The following WNK3 variants were observed in gnomAD, a reference collection of about 807,000 sequenced individuals.
WNK3 encodes the protein WNK lysine deficient protein kinase 3.
WNK3 carries 18 observed loss-of-function variants against 116.7 expected under a neutral mutation model. The ratio of observed to expected loss-of-function variants is 0.15; its 90% confidence interval spans 0.11 to 0.23. The LOEUF (loss-of-function observed/expected upper bound fraction) is 0.23. Ranked by LOEUF, WNK3 falls within the 10% of genes least tolerant of loss-of-function variation. The pLI is 1.00. For missense variants in WNK3, 993 were observed against 1,323.8 expected, an observed-to-expected ratio of 0.75 and a Z score of 3.88; for synonymous variants, 404 against 469.4, an observed-to-expected ratio of 0.86 and a Z score of 1.80.
At chrX:54,271,933 C>T (rs2068388283) in intron 10 of WNK3, among the ~76,000 whole-genome samples, 1 of 112,062 alleles carries the variant, frequency 8.9e-6, no homozygotes, top group African/African-American at 3.2e-5. Context: ...ATCCAAATGA[C>T]TAATGTCCTT....
intron 22 of WNK3, among the ~76,000 whole-genome samples, chrX:54,221,928 G>A (rs1227867033): frequency 2.7e-5 from 3 of 112,058 alleles, no homozygotes; most frequent in South Asian, 7.5e-4. Context: ...AGGCTGAGGC[G>A]GGTGGATCAC....
intron 10 of WNK3, among the ~76,000 whole-genome samples, chrX:54,268,121 C>G (rs2147003555): frequency 9.3e-6 from 1 of 107,736 alleles, no homozygotes. Context: ...CACACACACA[C>G]ACACACTTCC....
intron 10 of WNK3, among the ~76,000 whole-genome samples, chrX:54,272,046 T>C (rs1396042102): frequency 8.9e-6 from 1 of 112,340 alleles, no homozygotes; most frequent in Non-Finnish European, 1.9e-5. Context: ...TTTAAACTGA[T>C]TTCCCTTCAA....
chrX:54,282,618 C>T (rs1016116909), intron 10 of WNK3, among the ~76,000 whole-genome samples: 12 of 111,604 alleles, frequency 1.1e-4, no homozygotes, highest in Non-Finnish European at 2.1e-4. Context: ...GCAAGGGACT[C>T]AGAGGAACCA....
exon 24 of WNK3, chrX:54,196,077 C>T (rs1336134486): frequency 9.0e-6 from 1 of 111,173 alleles, no homozygotes; most frequent in Non-Finnish European, 1.9e-5. Context: ...ACAAAGCCAA[C>T]TTTTTATAAT....
At chrX:54,209,448 TAAATA>T (rs1348771727) in intron 22 of WNK3, among the ~76,000 whole-genome samples, 1 of 100,783 alleles carries the variant, frequency 9.9e-6, no homozygotes, top group Non-Finnish European at 2.0e-5. Flanking sequence ...AATAAATAAA[TAAATA>T]AATAAACATA....
chrX:54,269,898 GT>G (rs1557158837), intron 10 of WNK3, among the ~76,000 whole-genome samples: 3 of 109,012 alleles, frequency 2.8e-5, no homozygotes, highest in African/African-American at 1.0e-4. Flanking sequence ...ATATACCTTT[GT>G]AAAAAAAAAT....
intron 10 of WNK3, 100 bp downstream of exon 10, chrX:54,292,788 A>C: frequency 7.0e-6 from 6 of 858,545 alleles, no homozygotes; most frequent in Non-Finnish European, 9.7e-6. Flanking sequence ...CCTTTCTCTA[A>C]ACTATAATGA....
At chrX:54,236,523 T>C (rs2067963775) in intron 20 of WNK3, among the ~76,000 whole-genome samples, 1 of 111,528 alleles carries the variant, frequency 9.0e-6, no homozygotes, top group African/African-American at 3.3e-5. Flanking sequence ...TAGTGAAGGT[T>C]GATTACCTCA....
chrX:54,276,325 A>C (rs1167740731), intron 10 of WNK3, among the ~76,000 whole-genome samples: 2 of 109,813 alleles, frequency 1.8e-5, no homozygotes, highest in Non-Finnish European at 3.8e-5. Flanking sequence ...ACAGAGCGAG[A>C]CTCTGTCTCA....
At chrX:54,303,570 A>G (rs945871186) in intron 5 of WNK3, among the ~76,000 whole-genome samples, 1 of 111,014 alleles carries the variant, frequency 9.0e-6, no homozygotes, top group Non-Finnish European at 1.9e-5. Context: ...ATCGTAGACA[A>G]ATATGATGAA....
At chrX:54,232,705 A>T in intron 21 of WNK3, 104 bp downstream of exon 21, 2 of 714,456 alleles carry the variant, frequency 2.8e-6, no homozygotes, top group Non-Finnish European at 4.1e-6. Flanking sequence ...GTACTTCTTT[A>T]AATTATTTTA....
intron 2 of WNK3, among the ~76,000 whole-genome samples, chrX:54,322,637 A>G (rs1226848604): frequency 8.9e-6 from 1 of 112,236 alleles, no homozygotes; most frequent in Non-Finnish European, 1.9e-5. Context: ...TTACATAGAT[A>G]TAATTGATGG....
chrX:54,216,090 T>TA (rs1557145199), intron 22 of WNK3, among the ~76,000 whole-genome samples: 1 of 109,557 alleles, frequency 9.1e-6, no homozygotes, highest in African/African-American at 3.3e-5. Context: ...GCATGCTCGT[T>TA]AAGAGTCATC....
intron 10 of WNK3, among the ~76,000 whole-genome samples, chrX:54,280,389 A>G (rs1229772453): frequency 8.9e-6 from 1 of 111,961 alleles, no homozygotes; most frequent in African/African-American, 3.2e-5. Flanking sequence ...TACAGAATCT[A>G]CAAAAAAACT....
At chrX:54,302,892 T>A (rs1453126785) in intron 5 of WNK3, among the ~76,000 whole-genome samples, 1 of 100,148 alleles carries the variant, frequency 1.0e-5, no homozygotes, top group Non-Finnish European at 2.0e-5. Context: ...GCCTCCAGAG[T>A]AGCTGGGACT....
chrX:54,293,565 A>G (rs147606171), intron 8 of WNK3, among the ~76,000 whole-genome samples: 1 of 112,139 alleles, frequency 8.9e-6, no homozygotes, highest in African/African-American at 3.2e-5. Context: ...CAACCTAAAA[A>G]CAGAGAATCA....
In WNK3 at chrX:54,213,569, CA is replaced by C. The variant is rs1270214576; in HGVS notation, c.4871-11377del. Among the ~76,000 whole-genome samples, 18 of 70,643 alleles carry C rather than the reference CA, an allele frequency of 2.5e-4. 1 individual carries two copies. Among genetic ancestry groups the C allele is most frequent in the Admixed American group, 2.0e-3 (13 of 6,601 alleles). The allele number at this position is 70,643 out of a possible 115,157, so 61.3% of individuals were successfully genotyped here. ...ACTCCGTCTCAAAAAAAAAAACAAA[CA>C]AAAAAAAAAAAACTAGGGGAAAAAA... is the stretch of plus-strand genomic sequence containing the variant. On this transcript the variant is annotated intron_variant, in intron 22 of 23. Coordinates refer to ENST00000354646, the Ensembl canonical transcript of WNK3.
intron 10 of WNK3, among the ~76,000 whole-genome samples, chrX:54,260,515 A>T (rs1333556362): frequency 9.0e-6 from 1 of 111,582 alleles, no homozygotes; most frequent in Non-Finnish European, 1.9e-5. Context: ...ATCACTTGCA[A>T]TTATTAATGG....
Sources: gnomAD v4.1 joint callset for allele counts (sites outside exome capture counted in the v4.1 genomes callset) on GRCh38, gnomAD v4.1.1 for gene constraint, MANE v1.5 for transcripts, NCBI Gene and HGNC (gene_info 2026-07-23, HGNC 2026-07-21) for gene names.